Variants in CD2AP observed in about 807,000 individuals in gnomAD.
CD2AP encodes CD2-associated protein.
Under a neutral mutation model 85.1 loss-of-function variants are expected in CD2AP, and 46 were observed. That is an observed-to-expected ratio of 0.54 (90% CI 0.43 to 0.69). The LOEUF (loss-of-function observed/expected upper bound fraction) is 0.69. CD2AP is among the 30% of genes least tolerant of loss of function. The pLI is 0.00. For synonymous variants in CD2AP, 255 were observed against 252.9 expected, an observed-to-expected ratio of 1.01 and a Z score of -0.08; for missense variants, 769 against 729.5, an observed-to-expected ratio of 1.05 and a Z score of -0.62.
chr6:47,602,939 T>A (rs1485062529), intron 13 of CD2AP, among the ~76,000 whole-genome samples: 1 of 152,014 alleles, frequency 6.6e-6, no homozygotes, highest in African/African-American at 2.4e-5. Context: ...AGAAACACAT[T>A]ATTCGATGGA....
chr6:47,566,050 C>T (rs753853767), intron 5 of CD2AP, among the ~76,000 whole-genome samples: 5 of 152,018 alleles, frequency 3.3e-5, no homozygotes, highest in Non-Finnish European at 7.4e-5. Flanking sequence ...TCCTCTCTCA[C>T]AGCCTTTGTG....
At position 47,481,775 on chromosome 6, in the gene CD2AP, GTTAT is replaced by G. The variant is rs967952057; in HGVS notation, c.4+3535_4+3538del. On this transcript the variant is annotated intron_variant, in intron 1 of 17. Transcript: ENST00000359314. ...ATATTTTAAAAATTTTTATTTATAT[GTTAT>G]TTATTTACTTATTTTTAGAGACAAG... Among the ~76,000 whole-genome samples, 7 of 152,124 alleles carry G rather than the reference GTTAT, an allele frequency of 4.6e-5. No homozygotes were observed. The South Asian group carries it at 1.0e-3, about 23-fold the overall frequency.
intron 3 of CD2AP, among the ~76,000 whole-genome samples, chr6:47,537,781 T>C (rs1214146546): frequency 6.6e-6 from 1 of 152,092 alleles, no homozygotes; most frequent in African/African-American, 2.4e-5. Context: ...GATTTTTTTA[T>C]TGCTAAGGAT....
At chr6:47,502,452 G>T (rs1013435700) in intron 1 of CD2AP, among the ~76,000 whole-genome samples, 1 of 151,562 alleles carries the variant, frequency 6.6e-6, no homozygotes, top group East Asian at 1.9e-4. Flanking sequence ...TTGTAGAGAC[G>T]GGGTTTTGTT....
At chr6:47,541,248 T>C (rs905360825) in intron 3 of CD2AP, among the ~76,000 whole-genome samples, 2 of 152,172 alleles carry the variant, frequency 1.3e-5, no homozygotes, top group Non-Finnish European at 2.9e-5. Context: ...CTCAGCCTCC[T>C]GAGTAGCTGA....
At chr6:47,521,321 G>A (rs922009595) in intron 2 of CD2AP, among the ~76,000 whole-genome samples, 38 of 152,328 alleles carry the variant, frequency 2.5e-4, no homozygotes, top group African/African-American at 8.7e-4. Context: ...GGAGGTCGAG[G>A]CGGGCAGATC....
chr6:47,511,027 C>T (rs559017269), intron 2 of CD2AP, among the ~76,000 whole-genome samples: 92 of 133,808 alleles, frequency 6.9e-4, no homozygotes, highest in African/African-American at 2.4e-3. Context: ...GAGCTGAGAT[C>T]GCGCCACTGC....
chr6:47,505,603 G>A (rs1375501647), intron 2 of CD2AP, among the ~76,000 whole-genome samples: 1 of 111,776 alleles, frequency 8.9e-6, no homozygotes, highest in Non-Finnish European at 2.0e-5. Context: ...CGGACGGGGC[G>A]GCTGGCCGGG....
chr6:47,606,126 C>T (rs1479615023), intron 13 of CD2AP, 39 bp from the exon 14 acceptor site: 27 of 1,047,172 alleles, frequency 2.6e-5, no homozygotes, highest in Non-Finnish European at 3.9e-5. Flanking sequence ...TAAAAAGGTA[C>T]AGTTCTCTTA....
chr6:47,503,502 GA>G (rs1766052190), intron 2 of CD2AP, 62 bp downstream of exon 2: 1 of 1,342,330 alleles, frequency 7.4e-7, no homozygotes, highest in African/African-American at 1.5e-5. Context: ...TAAATGTTAA[GA>G]AATAGATATA....
At chr6:47,519,049 CT>C (rs571237085) in intron 2 of CD2AP, among the ~76,000 whole-genome samples, 167 of 152,246 alleles carry the variant, frequency 1.1e-3, no homozygotes, top group African/African-American at 3.9e-3. Flanking sequence ...TGCGCTAGGA[CT>C]TTTTATAGGT....
At chr6:47,481,908 C>T (rs1404479555) in intron 1 of CD2AP, among the ~76,000 whole-genome samples, 1 of 152,128 alleles carries the variant, frequency 6.6e-6, no homozygotes, top group African/African-American at 2.4e-5. Context: ...TACAGGTGCA[C>T]ACTACCACCT....
At chr6:47,506,780 G>A (rs1562007710) in intron 2 of CD2AP, among the ~76,000 whole-genome samples, 1 of 143,740 alleles carries the variant, frequency 7.0e-6, no homozygotes, top group South Asian at 2.3e-4. Flanking sequence ...GGGAGACCGT[G>A]GGGAGAGGGA....
chr6:47,482,923 G>A (rs151336776), intron 1 of CD2AP, among the ~76,000 whole-genome samples: 26 of 152,288 alleles, frequency 1.7e-4, no homozygotes, highest in African/African-American at 6.0e-4. Context: ...TTGCAGATAG[G>A]TAGAGAAAGA....
At chr6:47,560,439 A>T (rs1278893262) in intron 5 of CD2AP, among the ~76,000 whole-genome samples, 1 of 151,852 alleles carries the variant, frequency 6.6e-6, no homozygotes, top group Admixed American at 6.6e-5. Context: ...CATGGAATTT[A>T]TTTCCAGTGT....
At position 47,624,331 on chromosome 6, in the gene CD2AP, A is replaced by C; in HGVS notation, c.*104A>C. On this transcript the variant is annotated 3_prime_UTR_variant, in exon 18 of 18. Coordinates refer to ENST00000359314, the MANE Select transcript of CD2AP (RefSeq NM_012120.3). Reference sequence around the variant, plus strand: ...AATTGTGAATTCTGTTGTTGTGATAAATATGAGCAAATGAAGTGTAATATC... The same window carrying C: ...AATTGTGAATTCTGTTGTTGTGATACATATGAGCAAATGAAGTGTAATATC... 2.4e-6 allele frequency: 2 copies of C among 844,216 alleles called. No individual in the cohort carries two copies. The highest frequency in any genetic ancestry group is 4.1e-6 in the Non-Finnish European group (2 of 491,960). The allele number at this position is 844,216 out of a possible 1,614,324, so 52.3% of individuals were successfully genotyped here. A position where few individuals can be genotyped will look rare whatever the true frequency, so the allele number is the denominator to read the frequency against.
chr6:47,609,011 A>G (rs1289701067), intron 15 of CD2AP, 112 bp from the exon 16 acceptor site: 12 of 763,074 alleles, frequency 1.6e-5, no homozygotes, highest in Non-Finnish European at 2.5e-5. Flanking sequence ...TTGAATTTCC[A>G]AATTTGCCAC....
chr6:47,495,995 C>T (rs1322111716), intron 1 of CD2AP, among the ~76,000 whole-genome samples: 1 of 152,038 alleles, frequency 6.6e-6, no homozygotes, highest in African/African-American at 2.4e-5. Flanking sequence ...TTTTTAATTT[C>T]CTATATGATG....
In CD2AP at chr6:47,574,141, C is replaced by T; in HGVS notation, c.619C>T (p.Gln207Ter). The change falls in exon 6 of 18, where the codon CAG (glutamine) becomes TAG (stop). Residue 207 changes from glutamine (Q) to a stop codon, truncating the protein, a stop_gained. Transcript: ENST00000359314. LOFTEE classifies it high-confidence loss of function. The stretch of plus-strand genomic sequence containing the variant: ...TGAAACTGCATCTGGATCAGTTACA[C>T]AGCCAAAGAAAATTCGAGGAATTGG... ...VSETASGSVT[Q>*]PKKIRGIGFG... 6.2e-7 allele frequency: 1 copy of T among 1,613,938 alleles called. No individual in the cohort carries two copies. Among genetic ancestry groups the T allele is most frequent in the Non-Finnish European group, 8.5e-7 (1 of 1,179,898 alleles).
Sources: gnomAD v4.1 joint callset for allele counts (sites outside exome capture counted in the v4.1 genomes callset) on GRCh38, gnomAD v4.1.1 for gene constraint, MANE v1.5 for transcripts, NCBI Gene and HGNC (gene_info 2026-07-23, HGNC 2026-07-21) for gene names.